The following SYNRG variants were observed in gnomAD, a reference collection of about 807,000 sequenced individuals.
SYNRG encodes synergin gamma.
Under a neutral mutation model 130.9 loss-of-function variants are expected in SYNRG, and 37 were observed. That is an observed-to-expected ratio of 0.28 (90% CI 0.22 to 0.37). The LOEUF is 0.37. Ranked by LOEUF, SYNRG falls within the 10% of genes least tolerant of loss-of-function variation. The pLI, the probability that SYNRG is intolerant of heterozygous loss-of-function variation, is 1.00. For synonymous variants in SYNRG, 539 were observed against 568.1 expected (o/e 0.95, Z 0.73); for missense variants, 1,338 against 1,588.9 (o/e 0.84, Z 2.68).
chr17:37,522,952 T>C (rs2055327526), intron 19 of SYNRG, among the ~76,000 whole-genome samples: 1 of 152,016 alleles, frequency 6.6e-6, no homozygotes, highest in Admixed American at 6.6e-5. Context: ...CACTTTTAAG[T>C]TTAATCTGCA....
At chr17:37,585,127 C>T (rs1431600927) in intron 5 of SYNRG, among the ~76,000 whole-genome samples, 198 bp downstream of exon 5, 3 of 152,228 alleles carry the variant, frequency 2.0e-5, no homozygotes, top group Non-Finnish European at 4.4e-5. Flanking sequence ...GGCTGATAGC[C>T]TATTCTCATT....
chr17:37,539,377 TTTTTTG>T (rs1174562539), intron 16 of SYNRG, 132 bp from the exon 17 acceptor site: 36 of 1,004,036 alleles, frequency 3.6e-5, no homozygotes, highest in South Asian at 1.6e-4. Flanking sequence ...AGTTTATGTT[TTTTTTG>T]TTTTTGTTTT....
chr17:37,527,106 A>T (rs1196866834), intron 19 of SYNRG, among the ~76,000 whole-genome samples: 1 of 152,264 alleles, frequency 6.6e-6, no homozygotes, highest in African/African-American at 2.4e-5. Flanking sequence ...GGTCAATTTC[A>T]CATTGAAAGG....
At chr17:37,556,156 A>G (rs1186437194) in intron 13 of SYNRG, among the ~76,000 whole-genome samples, 3 of 152,160 alleles carry the variant, frequency 2.0e-5, no homozygotes, top group Non-Finnish European at 4.4e-5. Flanking sequence ...GGCTTAAAAT[A>G]TACTGTGCTT....
intron 14 of SYNRG, among the ~76,000 whole-genome samples, chr17:37,551,665 T>C (rs1265398331): frequency 6.6e-6 from 1 of 151,994 alleles, no homozygotes; most frequent in Non-Finnish European, 1.5e-5. Flanking sequence ...AAATAGTTTC[T>C]AATTAATAAC....
At position 37,530,907 on chromosome 17, in the gene SYNRG, C is replaced by T. The variant is rs77042356; in HGVS notation, c.3666+5072G>A. ...TCTCCTCTGCTTCAGGAAAGGATGACGGCAGGGTAAAGATGTCAGGTTGCC... is the reference window on the plus strand; with the variant it reads ...TCTCCTCTGCTTCAGGAAAGGATGATGGCAGGGTAAAGATGTCAGGTTGCC... On this transcript the variant is annotated intron_variant, in intron 19 of 21. Coordinates refer to ENST00000612223, the MANE Select transcript of SYNRG (RefSeq NM_007247.6). 4.0e-3 allele frequency among the ~76,000 whole-genome samples: 614 copies of T among 152,246 alleles called. 2 individuals carry two copies. The highest frequency in any genetic ancestry group is 0.014 in the African/African-American group (574 of 41,536).
intron 1 of SYNRG, among the ~76,000 whole-genome samples, chr17:37,605,414 A>T (rs1248848663): frequency 6.6e-6 from 1 of 152,090 alleles, no homozygotes; most frequent in Non-Finnish European, 1.5e-5. Flanking sequence ...AATCTCCTTT[A>T]CCCCCTGTCT....
At chr17:37,559,422 G>A (rs2059359929) in intron 13 of SYNRG, among the ~76,000 whole-genome samples, 1 of 152,208 alleles carries the variant, frequency 6.6e-6, no homozygotes, top group Non-Finnish European at 1.5e-5. Context: ...AAGTGTGGTG[G>A]CTCACGCCTG....
intron 19 of SYNRG, among the ~76,000 whole-genome samples, chr17:37,522,637 C>CTTT (rs36077729): frequency 1.0e-3 from 102 of 97,764 alleles, no homozygotes; most frequent in Non-Finnish European, 1.7e-3. Context: ...CCAGCTAACA[C>CTTT]TTTTTTTTTT....
chr17:37,533,852 C>T (rs1256393490), intron 19 of SYNRG, among the ~76,000 whole-genome samples: 1 of 147,784 alleles, frequency 6.8e-6, no homozygotes, highest in African/African-American at 2.5e-5. Context: ...GCTGGGATTA[C>T]AGGCATCAGC....
chr17:37,539,885 T>C (rs2144787476), intron 16 of SYNRG, among the ~76,000 whole-genome samples: 1 of 152,258 alleles, frequency 6.6e-6, no homozygotes, highest in Non-Finnish European at 1.5e-5. Flanking sequence ...AGCCACTGGC[T>C]TTCCACGCCC....
intron 13 of SYNRG, among the ~76,000 whole-genome samples, chr17:37,558,075 G>T (rs758860650): frequency 4.6e-5 from 7 of 152,128 alleles, no homozygotes; most frequent in Non-Finnish European, 1.0e-4. Flanking sequence ...CAAGTCAAAA[G>T]ATCCCCTCAG....
chr17:37,536,041 G>T lies in SYNRG; in HGVS notation c.3604C>A (p.Leu1202Met), dbSNP rs2057158955. The change falls in exon 19 of 22, where the codon CTG becomes ATG. Residue 1202 changes from leucine to methionine, a missense_variant. Coordinates refer to ENST00000612223, the MANE Select transcript of SYNRG (RefSeq NM_007247.6). Reference protein sequence around the residue: ...AVCSEKLQQLLKDIDKVWNNL... With the variant: ...AVCSEKLQQLMKDIDKVWNNL... ...TTCCATACTTTATCGATGTCCTTCAGCAACTGCTGGAGTTTCTCACTGCAC... is the reference window on the plus strand; with the variant it reads ...TTCCATACTTTATCGATGTCCTTCATCAACTGCTGGAGTTTCTCACTGCAC... 1 of 1,614,046 alleles carries T rather than the reference G, an allele frequency of 6.2e-7. No individual in the cohort carries two copies. Among genetic ancestry groups the T allele is most frequent in the African/African-American group, 1.3e-5 (1 of 74,926 alleles).
chr17:37,608,919 G>C (rs763829930), intron 1 of SYNRG, among the ~76,000 whole-genome samples: 11 of 152,198 alleles, frequency 7.2e-5, no homozygotes, highest in Non-Finnish European at 1.3e-4. Flanking sequence ...CCCAAGGAAA[G>C]GGAAGACCCT....
chr17:37,566,077 A>G (rs375577052), intron 11 of SYNRG, among the ~76,000 whole-genome samples: 33 of 141,582 alleles, frequency 2.3e-4, no homozygotes, highest in Middle Eastern at 4.0e-3. Flanking sequence ...CTGCCCAGCC[A>G]CCCCTACTGG....
At chr17:37,558,367 G>T (rs1055331566) in intron 13 of SYNRG, among the ~76,000 whole-genome samples, 2 of 152,148 alleles carry the variant, frequency 1.3e-5, no homozygotes, top group East Asian at 3.8e-4. Flanking sequence ...AATACGTAAA[G>T]ATAGAATGTG....
At chr17:37,521,219 A>T (rs1462673933) in intron 19 of SYNRG, among the ~76,000 whole-genome samples, 1 of 151,862 alleles carries the variant, frequency 6.6e-6, no homozygotes, top group Non-Finnish European at 1.5e-5. Context: ...TAGTAGAGAC[A>T]GGGCTTCACC....
At chr17:37,605,144 C>T (rs1273266020) in intron 1 of SYNRG, among the ~76,000 whole-genome samples, 1 of 152,128 alleles carries the variant, frequency 6.6e-6, no homozygotes, top group Non-Finnish European at 1.5e-5. Flanking sequence ...TGCCACAAAC[C>T]TTCAATTTAT....
At position 37,518,224 on chromosome 17, in the gene SYNRG, G is replaced by A. The variant is rs986245598; in HGVS notation, c.*716C>T. On this transcript the variant is annotated 3_prime_UTR_variant, in exon 22 of 22. Transcript: ENST00000612223. ...CAGGTTTGCAGCGAAGGCTCCCGGG[G>A]GGAAGGATATTATCCTAATACACAG... 6.6e-6 allele frequency: 1 copy of A among 152,204 alleles called. No homozygotes were observed. The highest frequency in any genetic ancestry group is 6.5e-5 in the Admixed American group (1 of 15,272). 9.4% of individuals were successfully genotyped at this position (152,204 alleles called of 1,614,324 possible). A position where few individuals can be genotyped will look rare whatever the true frequency, so the allele number is the denominator to read the frequency against.
Sources: allele counts gnomAD v4.1 joint callset (sites outside exome capture counted in the v4.1 genomes callset), GRCh38; gene constraint gnomAD v4.1.1; transcripts MANE v1.5; gene names NCBI Gene and HGNC (gene_info 2026-07-23, HGNC 2026-07-21).